Variants in ADGRG7 observed in about 807,000 individuals in gnomAD.
The protein encoded by ADGRG7 is adhesion G protein-coupled receptor G7, also known as G-protein coupled receptor 128.
In ADGRG7, 82 loss-of-function variants were observed where a neutral mutation model predicts 88.6. That is an observed-to-expected ratio of 0.93 (90% CI 0.77 to 1.11). The LOEUF (loss-of-function observed/expected upper bound fraction) is 1.11, where lower values mean the gene tolerates loss of function less well. Ranked by LOEUF, ADGRG7 falls within the 50% of genes most tolerant of loss-of-function variation. The probability of loss-of-function intolerance (pLI) is 0.00; values close to 1 mark genes in which losing one functional copy is unlikely to be tolerated. For missense variants in ADGRG7, 945 were observed against 953.4 expected, an observed-to-expected ratio of 0.99 and a Z score of 0.12; for synonymous variants, 381 against 345.2, an observed-to-expected ratio of 1.10 and a Z score of -1.15.
In ADGRG7 at chr3:100,609,880, C is replaced by T. The variant is rs1707120227; in HGVS notation, c.24C>T (p.Asn8=). Residue 8 remains asparagine, a synonymous_variant, in exon 1 of 16, where the codon AAC becomes AAT. Transcript: ENST00000273352. ...CCATGGCTTCCTGCCGTGCCTGGAA[C>T]CTTAGGGTGCTGGTGGCTGTCGTGT... MASCRAW[N]LRVLVAVVCG... is the part of the protein sequence containing the mutation. 2 of 1,613,840 alleles carry T rather than the reference C, an allele frequency of 1.2e-6. No individual in the cohort carries two copies. Among genetic ancestry groups the T allele is most frequent in the African/African-American group, 1.3e-5 (1 of 74,920 alleles).
At chr3:100,652,522 G>A (rs1228562947) in intron 11 of ADGRG7, among the ~76,000 whole-genome samples, 1 of 152,072 alleles carries the variant, frequency 6.6e-6, no homozygotes, top group Non-Finnish European at 1.5e-5. Context: ...TATTGGCGAG[G>A]AACTGTCTGC....
At chr3:100,617,631 T>G (rs892476361) in intron 1 of ADGRG7, among the ~76,000 whole-genome samples, 3 of 152,218 alleles carry the variant, frequency 2.0e-5, no homozygotes, top group Admixed American at 6.5e-5. Flanking sequence ...ACATTTGGGT[T>G]GGTTCCAAGT....
chr3:100,692,394 C>A (rs893628945), intron 15 of ADGRG7, among the ~76,000 whole-genome samples: 4 of 152,106 alleles, frequency 2.6e-5, no homozygotes, highest in African/African-American at 4.8e-5. Context: ...GCCAATTGAT[C>A]CATGGGCTTG....
intron 14 of ADGRG7, among the ~76,000 whole-genome samples, chr3:100,663,144 G>C (rs2094947702): frequency 6.6e-6 from 1 of 152,046 alleles, no homozygotes; most frequent in Non-Finnish European, 1.5e-5. Flanking sequence ...GGGAACTAAG[G>C]GTTCTAATGT....
At chr3:100,663,094 A>G (rs2094947582) in intron 14 of ADGRG7, among the ~76,000 whole-genome samples, 1 of 152,136 alleles carries the variant, frequency 6.6e-6, no homozygotes, top group Non-Finnish European at 1.5e-5. Context: ...TCAAAAAAGC[A>G]TGGTTTATCA....
intron 2 of ADGRG7, among the ~76,000 whole-genome samples, chr3:100,630,353 C>T (rs1326638771): frequency 7.2e-5 from 11 of 152,154 alleles, no homozygotes; most frequent in Admixed American, 5.9e-4. Context: ...CATGAATTTG[C>T]CTTTTTGCTT....
At position 100,694,889 on chromosome 3, in the gene ADGRG7, A is replaced by G. The variant is rs2094999655; in HGVS notation, c.2282A>G (p.Asn761Ser). ...CCGAGGCTGCGTGTAAAGATGTATAATTTCCTCAGGTCATTGCCAACCTTA... is the reference window on the plus strand; with the variant it reads ...CCGAGGCTGCGTGTAAAGATGTATAGTTTCCTCAGGTCATTGCCAACCTTA... ...TRPRLRVKMY[N>S]FLRSLPTLHE... The change falls in exon 16 of 16, where the codon AAT becomes AGT. Residue 761 changes from asparagine (N) to serine (S), a missense_variant. Physicochemically the swap from Asn to Ser is conservative, Grantham distance 46. Transcript: ENST00000273352. The G allele has an allele frequency of 1.2e-6, 2 of 1,614,038 alleles. No homozygotes were observed. The highest frequency in any genetic ancestry group is 2.7e-5 in the African/African-American group (2 of 74,912).
rs576939356 is a variant in ADGRG7 at position 100,694,947 on chromosome 3, G to T, written c.2340G>T (p.Pro780=). ...HERFRLLETS[P]STEEITLSES... is the part of the protein sequence containing the mutation. ...GCTTTAGGCTACTGGAAACCTCTCC[G>T]AGTACTGAGGAAATCACACTCTCTG... The change falls in exon 16 of 16, where the codon CCG becomes CCT. Residue 780 remains proline (P), a synonymous_variant. Transcript: ENST00000273352. 3.7e-6 allele frequency: 6 copies of T among 1,614,140 alleles called. No homozygotes were observed. The highest frequency in any genetic ancestry group is 1.1e-5 in the South Asian group (1 of 91,088).
intron 6 of ADGRG7, among the ~76,000 whole-genome samples, chr3:100,638,578 G>A (rs1452428321): frequency 6.6e-6 from 1 of 152,144 alleles, no homozygotes; most frequent in Non-Finnish European, 1.5e-5. Context: ...CCAACCAATG[G>A]GAGAGAGTGG....
rs532240757 is a variant in ADGRG7, at chr3:100,653,635, G to A, written c.1380-1200G>A. On this transcript the variant is annotated intron_variant, in intron 11 of 15. Transcript: ENST00000273352. ...CACATATTATTTCTAATGATTTTGT[G>A]GCTTGTCTGGGTTCAGCTGGGTAAT... Among the ~76,000 whole-genome samples the A allele has an allele frequency of 4.6e-5, 7 of 152,258 alleles. No homozygotes were observed. The East Asian group carries it at 1.4e-3, about 29-fold the overall frequency.
intron 4 of ADGRG7, 143 bp from the exon 5 acceptor site, chr3:100,635,534 A>T: frequency 6.9e-7 from 1 of 1,456,684 alleles, no homozygotes; most frequent in Non-Finnish European, 9.1e-7. Flanking sequence ...ACAAGGAAGG[A>T]TGCAAACGTG....
chr3:100,645,258 A>G (rs114868540), intron 8 of ADGRG7, among the ~76,000 whole-genome samples: 3,553 of 152,362 alleles, frequency 0.023, 111 homozygotes, highest in African/African-American at 0.07. Context: ...CAAACCCTCC[A>G]CAGCAGCGAT....
At chr3:100,646,214 G>GGGA in intron 9 of ADGRG7, 106 bp downstream of exon 9, 1 of 690,684 alleles carries the variant, frequency 1.4e-6, no homozygotes, top group East Asian at 3.1e-5. Context: ...GAGAATAGGA[G>GGGA]GGCGGGGGGG....
rs1707756245 is a variant in ADGRG7 at position 100,646,713 on chromosome 3, G to T, written c.1255G>T (p.Ala419Ser). ...RCRCNHTTNF[A>S]VLMTFKKDYQ... is the part of the protein sequence containing the mutation. ...CCGCTGCAACCATACTACTAATTTTGCTGTATTAATGGTAAGGATATACAT... is the reference window on the plus strand; with the variant it reads ...CCGCTGCAACCATACTACTAATTTTTCTGTATTAATGGTAAGGATATACAT... The change falls in exon 10 of 16, where the codon GCT (alanine) becomes TCT (serine). Residue 419 changes from alanine to serine, a missense_variant. Coordinates refer to ENST00000273352, the MANE Select transcript of ADGRG7 (RefSeq NM_032787.3). The T allele has an allele frequency of 1.9e-6, 3 of 1,613,830 alleles. No homozygotes were observed. The highest frequency in any genetic ancestry group is 2.5e-6 in the Non-Finnish European group (3 of 1,179,912).
At chr3:100,625,730 A>G (rs1210895077) in intron 1 of ADGRG7, among the ~76,000 whole-genome samples, 2 of 152,208 alleles carry the variant, frequency 1.3e-5, no homozygotes, top group African/African-American at 4.8e-5. Context: ...GACAATTTTT[A>G]ACATGAAGGG....
chr3:100,677,663 C>T (rs1027085898), intron 15 of ADGRG7, among the ~76,000 whole-genome samples: 2 of 152,080 alleles, frequency 1.3e-5, no homozygotes, highest in Admixed American at 6.6e-5. Flanking sequence ...TCTATTTCTC[C>T]TTCATGTTTG....
chr3:100,678,179 C>A (rs1454750401), intron 15 of ADGRG7, among the ~76,000 whole-genome samples: 1 of 151,920 alleles, frequency 6.6e-6, no homozygotes, highest in Non-Finnish European at 1.5e-5. Flanking sequence ...CTCACTCATT[C>A]TTTCTTCTGC....
intron 1 of ADGRG7, among the ~76,000 whole-genome samples, chr3:100,616,755 A>C (rs1707230904): frequency 1.3e-5 from 2 of 152,184 alleles, no homozygotes; most frequent in Non-Finnish European, 1.5e-5. Flanking sequence ...CAGGAGATGG[A>C]GGCTACAGTG....
chr3:100,691,744 T>G (rs1172224301), intron 15 of ADGRG7, among the ~76,000 whole-genome samples: 1 of 119,360 alleles, frequency 8.4e-6, no homozygotes, highest in Non-Finnish European at 1.9e-5. Flanking sequence ...TCTAGCCTTA[T>G]TAACTATCAA....
Sources: allele counts gnomAD v4.1 joint callset (sites outside exome capture counted in the v4.1 genomes callset), GRCh38; gene constraint gnomAD v4.1.1; transcripts MANE v1.5; gene names NCBI Gene and HGNC (gene_info 2026-07-23, HGNC 2026-07-21).